The following OAS3 variants were observed in gnomAD, a reference collection of about 807,000 sequenced individuals.
The protein encoded by OAS3 is 2'-5'-oligoadenylate synthetase 3.
Under a neutral mutation model 113.0 loss-of-function variants are expected in OAS3, and 107 were observed. That is an observed-to-expected ratio of 0.95 (90% CI 0.81 to 1.11). The LOEUF (loss-of-function observed/expected upper bound fraction) is 1.11. Ranked by LOEUF, OAS3 falls within the 50% of genes most tolerant of loss-of-function variation. OAS3 has a pLI of 0.00. For missense variants in OAS3, 1,258 were observed against 1,389.1 expected, an observed-to-expected ratio of 0.91 and a Z score of 1.50; for synonymous variants, 552 against 573.6, an observed-to-expected ratio of 0.96 and a Z score of 0.54.
Position 112,957,741 on chromosome 12 carries a change from C to T in OAS3, c.1658-3330C>T, listed in dbSNP as rs564437464. On this transcript the variant is annotated intron_variant, in intron 7 of 15. Coordinates refer to ENST00000228928, the MANE Select transcript of OAS3 (RefSeq NM_006187.4). ...GATGGGCTTCCCTTTGTGGGTAACT[C>T]GAGCTTTCTCTCTGGCTGCCCTTAA... Among the ~76,000 whole-genome samples the T allele has an allele frequency of 3.9e-5, 6 of 152,278 alleles. No homozygotes were observed. The East Asian group carries it at 5.8e-4, about 15-fold the overall frequency.
intron 7 of OAS3, among the ~76,000 whole-genome samples, chr12:112,951,798 A>T (rs1974518): frequency 0.26 from 37,816 of 146,312 alleles, 6,132 homozygotes; most frequent in East Asian, 0.74. Context: ...GGAGTTCGAG[A>T]CCAGCCTGGC....
chr12:112,967,962 C>T lies in OAS3; in HGVS notation c.2892C>T (p.Gly964=). 1.2e-6 allele frequency: 2 copies of T among 1,613,876 alleles called. No individual in the cohort carries two copies. Among genetic ancestry groups the T allele is most frequent in the Non-Finnish European group, 1.7e-6 (2 of 1,179,818 alleles). ...QQCTKISKGR[G]SLPPQHGLEL... ...GTACCAAGATCTCCAAGGGGAGAGGCTCCCTACCCCCACAGCACGGGCTGG... is the reference window on the plus strand; with the variant it reads ...GTACCAAGATCTCCAAGGGGAGAGGTTCCCTACCCCCACAGCACGGGCTGG... Residue 964 remains glycine (G), a synonymous_variant, in exon 14 of 16, where the codon GGC becomes GGT. Coordinates refer to ENST00000228928, the MANE Select transcript of OAS3 (RefSeq NM_006187.4).
Position 112,965,792 on chromosome 12 carries a change from G to A in OAS3, c.2452G>A (p.Asp818Asn), listed in dbSNP as rs755490173. ...GTALRGRSDADLVVFLSCFSQ... is the reference protein window; with the variant it reads ...GTALRGRSDANLVVFLSCFSQ... The stretch of plus-strand genomic sequence containing the variant: ...AGCTCTGCGAGGCCGCTCAGATGCC[G>A]ACCTCGTGGTGTTCCTCAGCTGCTT... Residue 818 changes from aspartate (D) to asparagine (N), a missense_variant, in exon 12 of 16, where the codon GAC becomes AAC. Asp to Asn is a conservative substitution (Grantham distance 23). Transcript: ENST00000228928. The A allele has an allele frequency of 1.7e-5, 28 of 1,613,416 alleles. No individual in the cohort carries two copies. Among genetic ancestry groups the A allele is most frequent in the Admixed American group, 1.2e-4 (7 of 59,978 alleles).
chr12:112,969,546 G>A (rs1263196296), intron 14 of OAS3, 62 bp from the exon 15 acceptor site: 1 of 1,550,816 alleles, frequency 6.4e-7, no homozygotes, highest in Admixed American at 1.9e-5. Context: ...AGTCCAACCA[G>A]TGCCACAGGT....
At chr12:112,967,117 G>A (rs1017485575) in intron 12 of OAS3, among the ~76,000 whole-genome samples, 2 of 152,204 alleles carry the variant, frequency 1.3e-5, no homozygotes, top group African/African-American at 4.8e-5. Flanking sequence ...TAGACAGAAA[G>A]ATAAGTAAGT....
chr12:112,962,578 G>GC, intron 8 of OAS3, 74 bp from the exon 9 acceptor site: 1 of 1,524,886 alleles, frequency 6.6e-7, no homozygotes, highest in Non-Finnish European at 9.0e-7. Context: ...TTCCCTTCCT[G>GC]CCCCAAGTGC....
Position 112,970,278 on chromosome 12 carries a change from C to G in OAS3, c.*305C>G. The G allele has an allele frequency of 2.1e-6, 1 of 465,584 alleles. No homozygotes were observed. The highest frequency in any genetic ancestry group is 2.7e-5 in the South Asian group (1 of 37,456). 28.8% of individuals were successfully genotyped at this position (465,584 alleles called of 1,614,324 possible). A position where few individuals can be genotyped will look rare whatever the true frequency, so the allele number is the denominator to read the frequency against. On this transcript the variant is annotated 3_prime_UTR_variant, in exon 16 of 16. Coordinates refer to ENST00000228928, the MANE Select transcript of OAS3 (RefSeq NM_006187.4). ...TATCCTCATACCACCACTGCTGCTT[C>G]CCACCCAGCTGAGAATGCCCCCTCC...
chr12:112,942,199 G>A, intron 2 of OAS3: 1 of 504,804 alleles, frequency 2.0e-6, no homozygotes, highest in Non-Finnish European at 3.5e-6. Context: ...AGGGGCCTGG[G>A]GACGAAACCA....
intron 7 of OAS3, among the ~76,000 whole-genome samples, chr12:112,953,854 A>G (rs1383435665): frequency 1.3e-5 from 2 of 151,998 alleles, no homozygotes; most frequent in Non-Finnish European, 2.9e-5. Flanking sequence ...TTTTCTTATA[A>G]ATTTGTTTAA....
In OAS3 at chr12:112,938,656, G is replaced by GCGCGGGGGCCGCCTCGGTGCTGCTGCCC. The variant is rs776143397; in HGVS notation, c.133_160dup (p.Val54GlyfsTer30). 1 of 1,596,360 alleles carries GCGCGGGGGCCGCCTCGGTGCTGCTGCCC rather than the reference G, an allele frequency of 6.3e-7. No homozygotes were observed. The highest frequency in any genetic ancestry group is 1.1e-5 in the South Asian group (1 of 89,174). ...GCGCCCTGGCCGCTGCCCTGAGGGA[G>GCGCGGGGGCCGCCTCGGTGCTGCTGCCC]CGCGGGGGCCGCCTCGGTGCTGCTG... On this transcript the variant is annotated frameshift_variant, in exon 1 of 16. Transcript: ENST00000228928. LOFTEE classifies it high-confidence loss of function.
Position 112,963,540 on chromosome 12 carries a change from C to T in OAS3, c.2229+83C>T. ...CCCTTAACCTGCCGGTGCACCCATC[C>T]CCAGCTGCTAGGAGTGTTGGTGGCT... On this transcript the variant is annotated intron_variant, in intron 10 of 15. Transcript: ENST00000228928. The surrounding 1 kb of genome is among the most constrained non-coding windows in gnomAD (Gnocchi z 4.6). 7.5e-7 allele frequency: 1 copy of T among 1,330,692 alleles called. No homozygotes were observed. Among genetic ancestry groups the T allele is most frequent in the African/African-American group, 1.5e-5 (1 of 66,132 alleles). The allele number at this position is 1,330,692 out of a possible 1,614,324, so 82.4% of individuals were successfully genotyped here.
At chr12:112,947,029 G>A (rs900349212) in intron 4 of OAS3, 48 bp downstream of exon 4, 5 of 1,514,748 alleles carry the variant, frequency 3.3e-6, no homozygotes, top group Middle Eastern at 3.4e-4. Context: ...GGGGCCAGGG[G>A]GAGATAATTG....
Position 112,965,886 on chromosome 12 carries a change from C to G in OAS3, c.2546C>G (p.Ala849Gly). The G allele has an allele frequency of 6.2e-7, 1 of 1,613,682 alleles. No homozygotes were observed. The highest frequency in any genetic ancestry group is 1.1e-5 in the South Asian group (1 of 90,966). ...TCCGAGATCCGAGCCCAGCTGGAGGCATGTCAACAGGAGCGGCAGTTCGAG... is the reference window on the plus strand; with the variant it reads ...TCCGAGATCCGAGCCCAGCTGGAGGGATGTCAACAGGAGCGGCAGTTCGAG... ...IISEIRAQLE[A>G]CQQERQFEVK... Residue 849 changes from alanine (A) to glycine (G), a missense_variant, in exon 12 of 16, where the codon GCA (alanine) becomes GGA (glycine). Ala to Gly is a moderately conservative substitution (Grantham distance 60). Transcript: ENST00000228928.
rs1401171588 is a variant in OAS3 at position 112,961,052 on chromosome 12, G to A, written c.1658-19G>A. 6.2e-7 allele frequency: 1 copy of A among 1,611,188 alleles called. No homozygotes were observed. Among genetic ancestry groups the A allele is most frequent in the African/African-American group, 1.3e-5 (1 of 74,822 alleles). On this transcript the variant is annotated intron_variant, in intron 7 of 15. Coordinates refer to ENST00000228928, the MANE Select transcript of OAS3 (RefSeq NM_006187.4). ...CTTCAATTGGAGTTGCACACTCAGG[G>A]TGTTTCAAACTTCTACAGGGCAGCT...
At chr12:112,953,413 G>A (rs543019972) in intron 7 of OAS3, among the ~76,000 whole-genome samples, 1 of 152,330 alleles carries the variant, frequency 6.6e-6, no homozygotes, top group East Asian at 1.9e-4. Context: ...TTGGTTCCAA[G>A]TCTTTGCTCT....
chr12:112,951,440 A>G (rs1407744111), intron 7 of OAS3, among the ~76,000 whole-genome samples: 2 of 152,140 alleles, frequency 1.3e-5, no homozygotes, highest in Non-Finnish European at 2.9e-5. Context: ...CATTAGCTAC[A>G]GGGCAAATCT....
intron 3 of OAS3, 29 bp from the exon 4 acceptor site, chr12:112,946,714 C>T (rs767662792): frequency 1.3e-6 from 2 of 1,567,182 alleles, no homozygotes; most frequent in South Asian, 1.2e-5. Flanking sequence ...CTTCTTCCTT[C>T]TGAGTCCCCT....
At chr12:112,965,058 C>T (rs778456618) in intron 11 of OAS3, among the ~76,000 whole-genome samples, 17 of 152,164 alleles carry the variant, frequency 1.1e-4, no homozygotes, top group South Asian at 2.1e-4. Flanking sequence ...GTGGAAAGGA[C>T]GCTGGGGGTG....
chr12:112,950,608 G>A (rs1175888361), intron 6 of OAS3, 85 bp from the exon 7 acceptor site: 6 of 1,502,112 alleles, frequency 4.0e-6, no homozygotes, highest in Non-Finnish European at 4.5e-6. Flanking sequence ...GTTCCAGGCT[G>A]TAGATGGGGC....
Sources: gnomAD v4.1 joint callset for allele counts (sites outside exome capture counted in the v4.1 genomes callset) on GRCh38, gnomAD v4.1.1 for gene constraint, Gnocchi (gnomAD v3.1) non-coding constraint, MANE v1.5 for transcripts, NCBI Gene and HGNC (gene_info 2026-07-23, HGNC 2026-07-21) for gene names.